TRIM5: variants seen among roughly 807,000 people sequenced by gnomAD.
The protein encoded by TRIM5 is tripartite motif containing 5.
A neutral mutation model predicts 35.6 loss-of-function variants in TRIM5; 31 were observed. The observed-to-expected ratio is 0.87, with a 90% confidence interval of 0.65 to 1.18. The LOEUF is 1.18. Ranked by LOEUF, TRIM5 falls within the 50% of genes most tolerant of loss-of-function variation. The pLI, the probability that TRIM5 is intolerant of heterozygous loss-of-function variation, is 0.00. For synonymous variants in TRIM5, 243 were observed against 215.6 expected, an observed-to-expected ratio of 1.13 and a Z score of -1.11; for missense variants, 609 against 591.6, an observed-to-expected ratio of 1.03 and a Z score of -0.31.
Position 5,678,257 on chromosome 11 carries a change from G to T in TRIM5, c.691C>A (p.Leu231Ile), listed in dbSNP as rs1192518437. Residue 231 changes from leucine (L) to isoleucine (I), a missense_variant, in exon 4 of 8, where the codon CTC becomes ATC. By Grantham distance (5) the Leu-to-Ile change is conservative. Transcript: ENST00000380034. ...MVQQTQSLRE[L>I]ISDLEHRLQG... ...AGCCGATGCTCCAGATCTGAGATGA[G>T]CTCTCTCAGGGACTGGGTCTGCTGC... 6.2e-7 allele frequency: 1 copy of T among 1,613,908 alleles called. No homozygotes were observed. The highest frequency in any genetic ancestry group is 1.3e-5 in the African/African-American group (1 of 74,914).
the TRIM5 span, chr11:5,610,520 T>A: frequency 6.2e-7 from 1 of 1,613,986 alleles, no homozygotes; most frequent in Non-Finnish European, 8.5e-7. Context: ...TTATTGACTC[T>A]TTTCATCATT....
chr11:5,602,898 G>A, the TRIM5 span, among the ~76,000 whole-genome samples: 3 of 152,126 alleles, frequency 2.0e-5, no homozygotes, highest in Non-Finnish European at 2.9e-5. Context: ...AGATTGCAGT[G>A]AGCTGAGATT....
chr11:5,606,679 C>T, the TRIM5 span, among the ~76,000 whole-genome samples: 11 of 152,128 alleles, frequency 7.2e-5, no homozygotes, highest in Non-Finnish European at 1.2e-4. Context: ...CTTTCTCCTT[C>T]ACCTTTTGTT....
chr11:5,652,797 A>C, the TRIM5 span, among the ~76,000 whole-genome samples: 1 of 151,824 alleles, frequency 6.6e-6, no homozygotes, highest in East Asian at 1.9e-4. Context: ...CCAATCCATG[A>C]GCATAGAATG....
chr11:5,653,635 G>A, the TRIM5 span, among the ~76,000 whole-genome samples: 9 of 151,708 alleles, frequency 5.9e-5, no homozygotes, highest in Admixed American at 1.3e-4. Flanking sequence ...GGGATTAGAA[G>A]TGCGCACCAC....
chr11:5,666,999 G>C (rs1851189229), intron 5 of TRIM5, among the ~76,000 whole-genome samples: 1 of 152,118 alleles, frequency 6.6e-6, no homozygotes, highest in Admixed American at 6.6e-5. Flanking sequence ...AAGAGAAAAA[G>C]AAGATATGGC....
chr11:5,600,023 C>T, the TRIM5 span, among the ~76,000 whole-genome samples: 2 of 152,174 alleles, frequency 1.3e-5, no homozygotes, highest in African/African-American at 4.8e-5. Flanking sequence ...GCAGTTCCCA[C>T]AGGTGTGATT....
At position 5,675,204 on chromosome 11, in the gene TRIM5, A is replaced by AT. The variant is rs534987388; in HGVS notation, c.744+2999dup. Reference sequence around the variant, plus strand: ...CCACCACGCCTGGCTAATTTTTTGTATTATTTTTTTTCATTTGTGGGGTAC... The same window carrying AT: ...CCACCACGCCTGGCTAATTTTTTGTATTTATTTTTTTTCATTTGTGGGGTAC... On this transcript the variant is annotated intron_variant, in intron 4 of 7. Coordinates refer to ENST00000380034, the MANE Select transcript of TRIM5 (RefSeq NM_033034.3). 4.4e-4 allele frequency among the ~76,000 whole-genome samples: 66 copies of AT among 150,868 alleles called. No homozygotes were observed. The South Asian group carries it at 5.2e-3, about 12-fold the overall frequency.
At chr11:5,634,524 CACACACATAT>C in the TRIM5 span, 142 of 676,718 alleles carry the variant, frequency 2.1e-4, no homozygotes, top group South Asian at 4.2e-3. Flanking sequence ...CACACACACA[CACACACATAT>C]ATATATATAT....
chr11:5,611,053 C>T, the TRIM5 span: 1 of 1,614,166 alleles, frequency 6.2e-7, no homozygotes, highest in East Asian at 2.2e-5. Flanking sequence ...AGTGCTTACT[C>T]CAGGTATCAG....
chr11:5,633,762 G>T, the TRIM5 span: 1 of 1,579,450 alleles, frequency 6.3e-7, no homozygotes, highest in Non-Finnish European at 8.6e-7. Context: ...CAGATACTAA[G>T]AAAGCTTATA....
In TRIM5 at chr11:5,665,110, T is replaced by C. The variant is rs368129935; in HGVS notation, c.1181A>G (p.Gln394Arg). Residue 394 changes from glutamine (Q) to arginine (R), a missense_variant, in exon 8 of 8, where the codon CAA becomes CGA. Physicochemically the swap from Gln to Arg is conservative, Grantham distance 43. Coordinates refer to ENST00000380034, the MANE Select transcript of TRIM5 (RefSeq NM_033034.3). ...TATAACCCAGTAGCCGTATTTAGGT[T>C]GATAATTTTCATTTTTTTCAATATT... ...MCNIEKNENY[Q>R]PKYGYWVIGL... 6 of 1,614,108 alleles carry C rather than the reference T, an allele frequency of 3.7e-6. No individual in the cohort carries two copies. The highest frequency in any genetic ancestry group is 3.4e-6 in the Non-Finnish European group (4 of 1,180,030).
At chr11:5,624,865 C>T in the TRIM5 span, 1 of 152,282 alleles carries the variant, frequency 6.6e-6, no homozygotes, top group South Asian at 2.1e-4. Context: ...CAGCTCATTT[C>T]ACCTAGACGC....
the TRIM5 span, among the ~76,000 whole-genome samples, chr11:5,639,253 G>T: frequency 6.6e-6 from 1 of 152,072 alleles, no homozygotes; most frequent in Non-Finnish European, 1.5e-5. Context: ...ATAGTAAAGG[G>T]TTAAGGGAAA....
the TRIM5 span, among the ~76,000 whole-genome samples, chr11:5,605,928 G>A: frequency 2.0e-5 from 3 of 152,144 alleles, no homozygotes; most frequent in East Asian, 3.8e-4. Flanking sequence ...GTACATTGTA[G>A]GATGCTTAGC....
At chr11:5,643,328 C>T in the TRIM5 span, 1 of 1,613,872 alleles carries the variant, frequency 6.2e-7, no homozygotes, top group Non-Finnish European at 8.5e-7. Context: ...CTGCCTGGAT[C>T]CTGGGGGTAT....
the TRIM5 span, among the ~76,000 whole-genome samples, chr11:5,641,818 T>A: frequency 0.58 from 88,806 of 151,998 alleles, 27,999 homozygotes; most frequent in Non-Finnish European, 0.73. Flanking sequence ...TACAAAGACA[T>A]AAAATTCTAA....
chr11:5,605,030 G>A, the TRIM5 span: 5 of 452,190 alleles, frequency 1.1e-5, no homozygotes, highest in Non-Finnish European at 1.6e-5. Flanking sequence ...CTCAGTACTC[G>A]AAATTGGAAG....
At chr11:5,613,182 T>G in the TRIM5 span, among the ~76,000 whole-genome samples, 1 of 152,236 alleles carries the variant, frequency 6.6e-6, no homozygotes. Flanking sequence ...GAGGCATTTT[T>G]ATGGAAGGTA....
Sources: gnomAD v4.1 joint callset for allele counts (sites outside exome capture counted in the v4.1 genomes callset) on GRCh38, gnomAD v4.1.1 for gene constraint, MANE v1.5 for transcripts, NCBI Gene and HGNC (gene_info 2026-07-23, HGNC 2026-07-21) for gene names.